The following NAA25 variants were observed in gnomAD, a reference collection of about 807,000 sequenced individuals.
The protein encoded by NAA25 is N-terminal acetyltransferase B complex subunit NAA25.
Under a neutral mutation model 132.5 loss-of-function variants are expected in NAA25, and 30 were observed. That is an observed-to-expected ratio of 0.23 (90% CI 0.17 to 0.31). The LOEUF is 0.31. Among genes scored for constraint, NAA25 ranks in the 10% least tolerant of loss-of-function variants. NAA25 has a pLI of 1.00. For synonymous variants in NAA25, 359 were observed against 401.9 expected (o/e 0.89, Z 1.28); for missense variants, 771 against 1,150.4 (o/e 0.67, Z 4.77).
chr12:112,097,782 T>C (rs1347856586), intron 1 of NAA25, among the ~76,000 whole-genome samples: 3 of 151,870 alleles, frequency 2.0e-5, no homozygotes, highest in Non-Finnish European at 4.4e-5. Context: ...AAAGTCAACA[T>C]GTTGGGTTCT....
intron 3 of NAA25, among the ~76,000 whole-genome samples, chr12:112,090,019 A>T (rs535414520): frequency 3.8e-5 from 3 of 78,294 alleles, no homozygotes; most frequent in Non-Finnish European, 7.4e-5. Flanking sequence ...TTTAGTAGAG[A>T]CAAGGTTTCC....
In NAA25 at chr12:112,108,757, T is replaced by A; in HGVS notation, c.17A>T (p.His6Leu). Reference protein sequence around the residue: MATRGHVQDPNDRRLR... With the variant: MATRGLVQDPNDRRLR... ...GCGCCTGTCGTTAGGGTCCTGCACA[T>A]GGCCCCGCGTCGCCATGATGACAAG... Residue 6 changes from histidine (H) to leucine (L), a missense_variant, in exon 1 of 24, where the codon CAT becomes CTT. Physicochemically the swap from His to Leu is moderately conservative, Grantham distance 99. Around this residue, in one of 3 missense-constraint regions of NAA25, gnomAD observed 30 missense variants for 16.6 expected, o/e 1.81. Transcript: ENST00000261745. 2.0e-6 allele frequency: 3 copies of A among 1,527,108 alleles called. No homozygotes were observed. The highest frequency in any genetic ancestry group is 2.6e-6 in the Non-Finnish European group (3 of 1,134,126). 94.6% of individuals were successfully genotyped at this position (1,527,108 alleles called of 1,614,324 possible).
rs112091651 is a variant in NAA25 at position 112,083,598 on chromosome 12, G to A, written c.403-2464C>T. The stretch of plus-strand genomic sequence containing the variant: ...GAGACGACAAGGACATACAGGATAG[G>A]AGAGTCTAAGATGGCTTGAGGCACC... On this transcript the variant is annotated intron_variant, in intron 4 of 23. Transcript: ENST00000261745. Among the ~76,000 whole-genome samples, 690 of 152,264 alleles carry A rather than the reference G, an allele frequency of 4.5e-3. 5 individuals carry two copies. Among genetic ancestry groups the A allele is most frequent in the Non-Finnish European group, 7.8e-3 (533 of 68,030 alleles).
intron 18 of NAA25, 131 bp downstream of exon 18, chr12:112,043,492 CCT>C (rs1471973129): frequency 5.7e-6 from 6 of 1,058,914 alleles, no homozygotes; most frequent in African/African-American, 1.6e-5. Flanking sequence ...CTAAAATATT[CCT>C]CTTTCTCCTG....
chr12:112,053,519 G>A (rs2078497505), intron 15 of NAA25, 39 bp downstream of exon 15: 2 of 1,398,090 alleles, frequency 1.4e-6, no homozygotes, highest in South Asian at 2.4e-5. Context: ...TGTGCAGTCA[G>A]CAGACAAGAT....
chr12:112,103,123 G>T (rs555239741), intron 1 of NAA25, among the ~76,000 whole-genome samples: 1 of 152,170 alleles, frequency 6.6e-6, no homozygotes, highest in African/African-American at 2.4e-5. Context: ...AGTAGCTGGG[G>T]TTACAGGCGC....
intron 4 of NAA25, among the ~76,000 whole-genome samples, chr12:112,084,490 T>C (rs1170222740): frequency 6.6e-6 from 1 of 152,140 alleles, no homozygotes; most frequent in African/African-American, 2.4e-5. Flanking sequence ...AATGACAGTA[T>C]AAAAATTAGC....
At chr12:112,043,957 T>C (rs1442146293) in intron 17 of NAA25, 89 bp from the exon 18 acceptor site, 2 of 1,346,412 alleles carry the variant, frequency 1.5e-6, no homozygotes, top group Non-Finnish European at 2.0e-6. Context: ...AGACAGAGTC[T>C]TGATCTGTCG....
intron 13 of NAA25, 95 bp downstream of exon 13, chr12:112,060,175 A>T (rs1322459252): frequency 1.1e-5 from 9 of 847,504 alleles, no homozygotes; most frequent in Non-Finnish European, 1.7e-5. Flanking sequence ...CATAAATAAA[A>T]TTTGTGGATT....
In NAA25 at chr12:112,029,386, C is replaced by T; in HGVS notation, c.*145G>A. On this transcript the variant is annotated 3_prime_UTR_variant, in exon 24 of 24. Coordinates refer to ENST00000261745, the MANE Select transcript of NAA25 (RefSeq NM_024953.4). ...TTAATCAGTTGTATATATTTAACAC[C>T]TAAAAAAATTCACGATCAAAGTCCT... The T allele has an allele frequency of 7.6e-7, 1 of 1,320,228 alleles. No individual in the cohort carries two copies. Among genetic ancestry groups the T allele is most frequent in the Non-Finnish European group, 1.0e-6 (1 of 966,428 alleles). 81.8% of individuals were successfully genotyped at this position (1,320,228 alleles called of 1,614,324 possible).
At chr12:112,061,458 G>T in intron 11 of NAA25, 70 bp from the exon 12 acceptor site, 1 of 1,077,430 alleles carries the variant, frequency 9.3e-7, no homozygotes. Flanking sequence ...ATAATTAACA[G>T]AAATTGAATG....
rs753091123 is a variant in NAA25, at chr12:112,061,191, T to C, written c.1347A>G (p.Gly449=). ...TGAATGGTTGCTCACCAAATTCCAG[T>C]CCATGCTGGTACCTTAACATCAATT... The part of the protein sequence containing the change: ...VRELMLRYQH[G]LEFGKTCLKT... Residue 449 remains glycine, a synonymous_variant, in exon 12 of 24, where the codon GGA becomes GGG. Transcript: ENST00000261745. 6.2e-7 allele frequency: 1 copy of C among 1,613,340 alleles called. No individual in the cohort carries two copies.
chr12:112,087,644 G>T (rs2079074926), intron 4 of NAA25, 39 bp downstream of exon 4: 1 of 1,409,884 alleles, frequency 7.1e-7, no homozygotes, highest in Non-Finnish European at 1.0e-6. Flanking sequence ...GCCTCTAATA[G>T]TAAATCCCAT....
In NAA25 at chr12:112,028,651, T is replaced by C. The variant is rs2078112053; in HGVS notation, c.*880A>G. 6.6e-6 allele frequency: 1 copy of C among 152,122 alleles called. No homozygotes were observed. Among genetic ancestry groups the C allele is most frequent in the Admixed American group, 6.5e-5 (1 of 15,268 alleles). 9.4% of individuals were successfully genotyped at this position (152,122 alleles called of 1,614,324 possible). On this transcript the variant is annotated 3_prime_UTR_variant, in exon 24 of 24. Transcript: ENST00000261745. Reference sequence around the variant, plus strand: ...ATATGTGTATATATATATATGTATATATATGACTCACAAAACCAATGAAAT... The same window carrying C: ...ATATGTGTATATATATATATGTATACATATGACTCACAAAACCAATGAAAT...
At chr12:112,081,453 T>A (rs1056851991) in intron 4 of NAA25, among the ~76,000 whole-genome samples, 2 of 152,202 alleles carry the variant, frequency 1.3e-5, no homozygotes, top group African/African-American at 4.8e-5. Context: ...TGTACATCAA[T>A]AAACTTTACT....
intron 15 of NAA25, among the ~76,000 whole-genome samples, chr12:112,051,357 C>T (rs2078462755): frequency 6.6e-6 from 1 of 152,118 alleles, no homozygotes; most frequent in Non-Finnish European, 1.5e-5. Flanking sequence ...ATTACAGGCA[C>T]CTACCACCAT....
At position 112,041,911 on chromosome 12, in the gene NAA25, T is replaced by C. The variant is rs537271776; in HGVS notation, c.2440+128A>G. 1.0e-4 allele frequency: 58 copies of C among 573,096 alleles called. No homozygotes were observed. The South Asian group carries it at 1.1e-3, about 11-fold the overall frequency. 35.5% of individuals were successfully genotyped at this position (573,096 alleles called of 1,614,324 possible). ...TGTGTTTAGGTGGCATCTAGGAGTA[T>C]TGACTCCAAAGTGTTAAAACTACTT... On this transcript the variant is annotated intron_variant, in intron 20 of 23. Coordinates refer to ENST00000261745, the MANE Select transcript of NAA25 (RefSeq NM_024953.4).
intron 4 of NAA25, among the ~76,000 whole-genome samples, chr12:112,086,073 T>TATACACACACAC (rs759148501): frequency 7.4e-5 from 4 of 53,968 alleles, no homozygotes; most frequent in African/African-American, 3.6e-4. Flanking sequence ...TATATATATA[T>TATACACACACAC]ACACACACAC....
chr12:112,085,434 T>G (rs559186633), intron 4 of NAA25, among the ~76,000 whole-genome samples: 1 of 152,222 alleles, frequency 6.6e-6, no homozygotes, highest in Non-Finnish European at 1.5e-5. Context: ...AAGTATATCT[T>G]TTTTGAGGAC....
Sources: gnomAD v4.1 joint callset for allele counts (sites outside exome capture counted in the v4.1 genomes callset) on GRCh38, gnomAD v4.1.1 for gene constraint, gnomAD v4.1.1 regional missense constraint, MANE v1.5 for transcripts, NCBI Gene and HGNC (gene_info 2026-07-23, HGNC 2026-07-21) for gene names.